The following NCOA2 variants were observed in gnomAD, a reference collection of about 807,000 sequenced individuals.
NCOA2 encodes the protein nuclear receptor coactivator 2.
Under a neutral mutation model 145.1 loss-of-function variants are expected in NCOA2, and 21 were observed. The ratio of observed to expected loss-of-function variants is 0.14; its 90% CI spans 0.10 to 0.21. NCOA2 has a LOEUF of 0.21. Ranked by LOEUF, NCOA2 falls within the 10% of genes least tolerant of loss-of-function variation. NCOA2 has a pLI of 1.00. For missense variants in NCOA2, 1,472 were observed against 1,837.6 expected (o/e 0.80, Z 3.64); for synonymous variants, 619 against 637.5 (o/e 0.97, Z 0.44).
At chr8:70,348,283 C>A (rs79495809) in intron 1 of NCOA2, among the ~76,000 whole-genome samples, 2,471 of 152,142 alleles carry the variant, frequency 0.016, 69 homozygotes, top group African/African-American at 0.057. Flanking sequence ...TTAAAAAGTA[C>A]AATAGAGATA....
intron 2 of NCOA2, among the ~76,000 whole-genome samples, chr8:70,229,292 G>GC (rs1346206942): frequency 1.3e-5 from 2 of 152,186 alleles, no homozygotes; most frequent in African/African-American, 4.8e-5. Context: ...CTCATGAAAT[G>GC]CAAGACTTAG....
intron 4 of NCOA2, among the ~76,000 whole-genome samples, chr8:70,206,575 C>T (rs1818464883): frequency 6.6e-6 from 1 of 152,142 alleles, no homozygotes; most frequent in South Asian, 2.1e-4. Context: ...TAGAGTATCT[C>T]TAGAATCTGG....
intron 2 of NCOA2, among the ~76,000 whole-genome samples, chr8:70,227,843 C>T (rs1820788648): frequency 6.6e-6 from 1 of 151,840 alleles, no homozygotes; most frequent in African/African-American, 2.4e-5. Flanking sequence ...GGTGAAACCC[C>T]ATCTCTACAA....
At chr8:70,435,282 G>A in the NCOA2 span, among the ~76,000 whole-genome samples, 3 of 150,178 alleles carry the variant, frequency 2.0e-5, no homozygotes, top group African/African-American at 4.9e-5. Flanking sequence ...AAAATTAGCC[G>A]GGCGTGGTGG....
chr8:70,270,597 T>G (rs1824973377), intron 2 of NCOA2, among the ~76,000 whole-genome samples: 1 of 151,114 alleles, frequency 6.6e-6, no homozygotes, highest in African/African-American at 2.4e-5. Flanking sequence ...GTAGGCACAG[T>G]GGCCACTATA....
chr8:70,300,692 G>T (rs533581578), intron 1 of NCOA2, among the ~76,000 whole-genome samples: 5 of 152,250 alleles, frequency 3.3e-5, no homozygotes, highest in African/African-American at 1.2e-4. Context: ...CAGACCCAGA[G>T]GAAGCAATGG....
intron 1 of NCOA2, among the ~76,000 whole-genome samples, chr8:70,360,650 T>C (rs1810115533): frequency 6.6e-6 from 1 of 152,202 alleles, no homozygotes; most frequent in Non-Finnish European, 1.5e-5. Context: ...TAAAATGTTA[T>C]TTGTAGGCCG....
chr8:70,330,210 G>A (rs201590207), intron 1 of NCOA2, among the ~76,000 whole-genome samples: 1 of 128,288 alleles, frequency 7.8e-6, no homozygotes, highest in South Asian at 3.0e-4. Context: ...TGATGATGAT[G>A]ATGATAATGA....
At chr8:70,159,002 G>T (rs1262876548) in intron 10 of NCOA2, among the ~76,000 whole-genome samples, 19 of 151,286 alleles carry the variant, frequency 1.3e-4, no homozygotes, top group Admixed American at 1.3e-3. Flanking sequence ...TGCCAGTACA[G>T]TTGTTCTTTG....
rs552427651 is a variant in NCOA2 at position 70,358,822 on chromosome 8, A to G, written c.-77+44878T>C. On this transcript the variant is annotated intron_variant, in intron 1 of 22. Coordinates refer to ENST00000452400, the MANE Select transcript of NCOA2 (RefSeq NM_006540.4). ...ACAACATACAGCATTGGTGAAAACT[A>G]TATGTATATCATAGTTGATAAGGGT... Among the ~76,000 whole-genome samples, 4 of 152,316 alleles carry G rather than the reference A, an allele frequency of 2.6e-5. No individual in the cohort carries two copies. The South Asian group carries it at 6.2e-4, about 24-fold the overall frequency.
At chr8:70,179,992 G>C (rs1432975044) in intron 4 of NCOA2, among the ~76,000 whole-genome samples, 1 of 152,030 alleles carries the variant, frequency 6.6e-6, no homozygotes, top group Admixed American at 6.6e-5. Flanking sequence ...TGTTGCCCAG[G>C]CTGGTCTTGA....
At chr8:70,303,415 T>C (rs1827651611) in intron 1 of NCOA2, among the ~76,000 whole-genome samples, 1 of 152,178 alleles carries the variant, frequency 6.6e-6, no homozygotes, top group African/African-American at 2.4e-5. Context: ...GTGGTCCCCA[T>C]TGTTCAATGA....
chr8:70,130,306 G>T (rs1425399860), intron 16 of NCOA2, among the ~76,000 whole-genome samples: 1 of 152,112 alleles, frequency 6.6e-6, no homozygotes, highest in Non-Finnish European at 1.5e-5. Flanking sequence ...TATAATGATG[G>T]TGGATTTGAT....
chr8:70,213,415 TAG>T (rs754450387), intron 4 of NCOA2, among the ~76,000 whole-genome samples: 376 of 152,366 alleles, frequency 2.5e-3, no homozygotes, highest in Middle Eastern at 0.024. Flanking sequence ...TACTGGAGGT[TAG>T]AGACTTTCAA....
At chr8:70,123,751 G>A (rs1808088287) in intron 21 of NCOA2, 133 bp downstream of exon 21, 3 of 655,668 alleles carry the variant, frequency 4.6e-6, no homozygotes, top group Middle Eastern at 4.3e-4. Flanking sequence ...CAGGTGAAGG[G>A]TGAAAAACAC....
the NCOA2 span, among the ~76,000 whole-genome samples, chr8:70,439,443 C>G: frequency 1.3e-5 from 2 of 152,142 alleles, no homozygotes; most frequent in South Asian, 4.1e-4. Context: ...TGGGTCTGAT[C>G]AGTCAGACAA....
At chr8:70,145,252 G>T (rs1166969121) in intron 12 of NCOA2, among the ~76,000 whole-genome samples, 1 of 152,138 alleles carries the variant, frequency 6.6e-6, no homozygotes, top group African/African-American at 2.4e-5. Flanking sequence ...CTGCCTCCGA[G>T]GTTCAAGAGA....
intron 4 of NCOA2, among the ~76,000 whole-genome samples, chr8:70,184,361 C>T (rs1249502842): frequency 2.0e-5 from 3 of 152,208 alleles, no homozygotes. Flanking sequence ...CAGCCACTCA[C>T]AGCTCTTAAG....
At chr8:70,310,026 C>G (rs1194761578) in intron 1 of NCOA2, among the ~76,000 whole-genome samples, 1 of 151,606 alleles carries the variant, frequency 6.6e-6, no homozygotes, top group Admixed American at 6.6e-5. Context: ...ACATAACCAA[C>G]AATTCAGATC....
Sources: allele counts gnomAD v4.1 joint callset (sites outside exome capture counted in the v4.1 genomes callset), GRCh38; gene constraint gnomAD v4.1.1; transcripts MANE v1.5; gene names NCBI Gene and HGNC (gene_info 2026-07-23, HGNC 2026-07-21).